The following FHIT variants were observed in gnomAD, a reference collection of about 807,000 sequenced individuals.
FHIT encodes the protein fragile histidine triad diadenosine triphosphatase, also known as bis(5'-adenosyl)-triphosphatase.
A neutral mutation model predicts 17.9 loss-of-function variants in FHIT; 19 were observed. The ratio of observed to expected loss-of-function variants is 1.06; its 90% CI spans 0.74 to 1.56. The LOEUF (loss-of-function observed/expected upper bound fraction) is 1.56, where lower values mean the gene tolerates loss of function less well. FHIT is among the 40% of genes most tolerant of loss of function. The pLI is 0.00. For synonymous variants in FHIT, 81 were observed against 69.7 expected (o/e 1.16, Z -0.81); for missense variants, 248 against 189.2 (o/e 1.31, Z -1.82).
At chr3:61,029,614 A>G (rs902821935) in intron 3 of FHIT, among the ~76,000 whole-genome samples, 12 of 152,252 alleles carry the variant, frequency 7.9e-5, no homozygotes, top group Non-Finnish European at 1.5e-5. Flanking sequence ...ACAAAAAAAC[A>G]GCATTTACCA....
At chr3:60,413,498 G>A (rs939476119) in intron 5 of FHIT, among the ~76,000 whole-genome samples, 1 of 152,142 alleles carries the variant, frequency 6.6e-6, no homozygotes, top group Admixed American at 6.5e-5. Context: ...TCCATTTCTG[G>A]TTGCCAGACC....
intron 4 of FHIT, among the ~76,000 whole-genome samples, chr3:60,778,187 C>T (rs1025012167): frequency 6.6e-6 from 1 of 152,122 alleles, no homozygotes; most frequent in African/African-American, 2.4e-5. Flanking sequence ...ATGCTATCAA[C>T]CATAATTAAG....
rs1480272094 is a variant in FHIT, at chr3:59,749,067, ATTAACAATTT to A, written c.*508_*517del. Among the ~76,000 whole-genome samples the A allele has an allele frequency of 4.6e-5, 7 of 152,316 alleles. No individual in the cohort carries two copies. The South Asian group carries it at 1.2e-3, about 27-fold the overall frequency. ...AAGGCCAAGTCTATCTGACCTTCAG[ATTAACAATTT>A]TTAAAGTCTAGCTATGTCCAAATAT... On this transcript the variant is annotated 3_prime_UTR_variant, in exon 10 of 10. Coordinates refer to ENST00000492590, the MANE Select transcript of FHIT (RefSeq NM_002012.4).
At chr3:59,994,738 T>C (rs542808731) in intron 7 of FHIT, among the ~76,000 whole-genome samples, 208 of 152,146 alleles carry the variant, frequency 1.4e-3, no homozygotes, top group African/African-American at 5.0e-3. Context: ...AAGCCCAAAC[T>C]GGTTACAAAG....
At chr3:60,277,317 G>C (rs1707194540) in intron 5 of FHIT, among the ~76,000 whole-genome samples, 1 of 152,068 alleles carries the variant, frequency 6.6e-6, no homozygotes, top group Admixed American at 6.5e-5. Context: ...GTTTTCCTTT[G>C]AATGAAAAGC....
Position 60,462,096 on chromosome 3 carries a change from C to T in FHIT, c.103+74764G>A, listed in dbSNP as rs369467689. On this transcript the variant is annotated intron_variant, in intron 5 of 9. Transcript: ENST00000492590. Reference sequence around the variant, plus strand: ...AGTGAGTGAGGCATTTCAGCAGGACCGGGGGGATGTTATGCAACAAAAACA... The same window carrying T: ...AGTGAGTGAGGCATTTCAGCAGGACTGGGGGGATGTTATGCAACAAAAACA... Among the ~76,000 whole-genome samples, 9 of 152,062 alleles carry T rather than the reference C, an allele frequency of 5.9e-5. 1 individual carries two copies. The highest frequency in any genetic ancestry group is 4.6e-4 in the Admixed American group (7 of 15,270).
At chr3:59,982,351 G>C (rs139047601) in intron 7 of FHIT, among the ~76,000 whole-genome samples, 1 of 152,048 alleles carries the variant, frequency 6.6e-6, no homozygotes, top group Non-Finnish European at 1.5e-5. Context: ...TGAGATTCCA[G>C]TGTCAAGTGA....
chr3:60,837,101 T>G (rs1553743997), intron 3 of FHIT, among the ~76,000 whole-genome samples: 2 of 152,140 alleles, frequency 1.3e-5, no homozygotes, highest in African/African-American at 4.8e-5. Flanking sequence ...GTCTCCAAGC[T>G]TATTCCGCCT....
chr3:59,843,953 C>T (rs971995842), intron 8 of FHIT, among the ~76,000 whole-genome samples: 9 of 152,106 alleles, frequency 5.9e-5, no homozygotes, highest in African/African-American at 2.2e-4. Context: ...GTGCTGTCCT[C>T]ATGATAATGA....
At chr3:60,182,197 G>C (rs1232417726) in intron 5 of FHIT, among the ~76,000 whole-genome samples, 1 of 152,158 alleles carries the variant, frequency 6.6e-6, no homozygotes, top group Non-Finnish European at 1.5e-5. Context: ...CCACCTGGTA[G>C]TTTTGGCTGG....
intron 5 of FHIT, among the ~76,000 whole-genome samples, chr3:60,281,809 A>G (rs953169078): frequency 6.7e-6 from 1 of 149,902 alleles, no homozygotes; most frequent in African/African-American, 2.5e-5. Flanking sequence ...AATTATCTAC[A>G]AAAAAAATTT....
At chr3:60,660,403 G>A (rs2040212498) in intron 4 of FHIT, among the ~76,000 whole-genome samples, 1 of 152,064 alleles carries the variant, frequency 6.6e-6, no homozygotes, top group African/African-American at 2.4e-5. Context: ...GCCTGCGAGT[G>A]GGGTATGAGT....
At chr3:60,011,256 T>G in intron 7 of FHIT, 115 bp downstream of exon 7, 1 of 954,618 alleles carries the variant, frequency 1.0e-6, no homozygotes, top group East Asian at 2.4e-5. Context: ...AGGGTCTCTC[T>G]GACCTCGAAG....
chr3:60,919,487 C>A (rs1481235611), intron 3 of FHIT, among the ~76,000 whole-genome samples: 3 of 150,818 alleles, frequency 2.0e-5, no homozygotes, highest in Non-Finnish European at 2.9e-5. Context: ...GGGTAATCTG[C>A]AGAAATGCTT....
chr3:60,323,590 G>A (rs1486542350), intron 5 of FHIT, among the ~76,000 whole-genome samples: 2 of 152,120 alleles, frequency 1.3e-5, no homozygotes, highest in East Asian at 3.9e-4. Flanking sequence ...AAATCCTAGG[G>A]AGCAGATCCC....
intron 5 of FHIT, among the ~76,000 whole-genome samples, chr3:60,449,405 C>G (rs1446407156): frequency 6.8e-6 from 1 of 148,094 alleles, no homozygotes; most frequent in South Asian, 2.1e-4. Context: ...AGAAGTTATT[C>G]AAATATGACA....
chr3:60,206,181 C>T (rs187110513), intron 5 of FHIT, among the ~76,000 whole-genome samples: 1 of 122,774 alleles, frequency 8.1e-6, no homozygotes, highest in East Asian at 2.6e-4. Context: ...AATTATAACA[C>T]TTAAAAATGA....
chr3:59,978,758 C>G (rs988159229), intron 7 of FHIT, among the ~76,000 whole-genome samples: 1 of 151,170 alleles, frequency 6.6e-6, no homozygotes, highest in Admixed American at 6.6e-5. Context: ...CTCCCCAAAG[C>G]CCATACAGAA....
intron 4 of FHIT, among the ~76,000 whole-genome samples, chr3:60,655,716 G>A (rs1445475718): frequency 6.6e-6 from 1 of 152,088 alleles, no homozygotes; most frequent in Non-Finnish European, 1.5e-5. Context: ...AGATAAGATG[G>A]GAATTGAACA....
Sources: allele counts gnomAD v4.1 joint callset (sites outside exome capture counted in the v4.1 genomes callset), GRCh38; gene constraint gnomAD v4.1.1; transcripts MANE v1.5; gene names NCBI Gene and HGNC (gene_info 2026-07-23, HGNC 2026-07-21).